Variants in CAMKMT observed in about 807,000 individuals in gnomAD.
CAMKMT encodes CaM KMT.
In CAMKMT, 53 loss-of-function variants were observed where a neutral mutation model predicts 48.0. The observed-to-expected ratio is 1.10, with a 90% CI of 0.89 to 1.39. CAMKMT has a LOEUF of 1.39. Ranked by LOEUF, CAMKMT falls within the 40% of genes most tolerant of loss-of-function variation. The pLI, the probability that CAMKMT is intolerant of heterozygous loss-of-function variation, is 0.00. For missense variants in CAMKMT, 428 were observed against 402.7 expected (o/e 1.06, Z -0.54); for synonymous variants, 165 against 152.3 (o/e 1.08, Z -0.61).
intron 3 of CAMKMT, among the ~76,000 whole-genome samples, chr2:44,655,661 G>C (rs12712921): frequency 0.55 from 83,589 of 151,988 alleles, 23,913 homozygotes; most frequent in Middle Eastern, 0.66. Context: ...AGCATTTAAA[G>C]CAAGGAGCAG....
At chr2:44,754,850 TAA>T (rs373413830) in intron 9 of CAMKMT, among the ~76,000 whole-genome samples, 1 of 143,518 alleles carries the variant, frequency 7.0e-6, no homozygotes, top group Non-Finnish European at 1.5e-5. Context: ...GCTCATGCAT[TAA>T]AAAAAAAAAA....
At chr2:44,602,146 C>T (rs2103860911) in intron 3 of CAMKMT, among the ~76,000 whole-genome samples, 1 of 152,126 alleles carries the variant, frequency 6.6e-6, no homozygotes, top group African/African-American at 2.4e-5. Flanking sequence ...GCTGGGACTA[C>T]AGGTGCACAC....
chr2:44,701,998 A>C (rs897569091), intron 3 of CAMKMT, among the ~76,000 whole-genome samples: 3 of 152,028 alleles, frequency 2.0e-5, no homozygotes, highest in African/African-American at 7.2e-5. Flanking sequence ...CTTTGTATGT[A>C]ATTTTGTTAA....
intron 3 of CAMKMT, among the ~76,000 whole-genome samples, chr2:44,559,048 C>CT (rs1391132180): frequency 9.2e-5 from 14 of 151,678 alleles, no homozygotes; most frequent in African/African-American, 2.4e-4. Flanking sequence ...ATCTATCTAT[C>CT]ATCTATCTAG....
chr2:44,595,994 G>A (rs1421090197), intron 3 of CAMKMT, among the ~76,000 whole-genome samples: 1 of 151,874 alleles, frequency 6.6e-6, no homozygotes, highest in East Asian at 1.9e-4. Context: ...TGGGAGGTGG[G>A]GGACTGGGGG....
At chr2:44,362,365 GCTC>G (rs1400406758) in intron 1 of CAMKMT, among the ~76,000 whole-genome samples, 1 of 152,310 alleles carries the variant, frequency 6.6e-6, no homozygotes, top group East Asian at 1.9e-4. Context: ...CCAAGGCTGA[GCTC>G]CTGGGAAACT....
intron 3 of CAMKMT, among the ~76,000 whole-genome samples, chr2:44,522,283 G>A (rs1052343572): frequency 6.6e-6 from 1 of 151,918 alleles, no homozygotes; most frequent in Non-Finnish European, 1.5e-5. Context: ...GGGATTACAG[G>A]CATGAGCCAC....
intron 3 of CAMKMT, among the ~76,000 whole-genome samples, chr2:44,647,226 A>G (rs1673784430): frequency 6.6e-6 from 1 of 152,158 alleles, no homozygotes; most frequent in Non-Finnish European, 1.5e-5. Flanking sequence ...TTGACATTCA[A>G]TTCAAATTTT....
chr2:44,714,111 A>AAAT (rs1678038646), intron 6 of CAMKMT, among the ~76,000 whole-genome samples: 1 of 152,198 alleles, frequency 6.6e-6, no homozygotes, highest in Non-Finnish European at 1.5e-5. Context: ...AAAGCCAGGA[A>AAAT]AATATGATGA....
chr2:44,399,794 A>G (rs1682196876), intron 3 of CAMKMT, among the ~76,000 whole-genome samples: 1 of 152,080 alleles, frequency 6.6e-6, no homozygotes, highest in Non-Finnish European at 1.5e-5. Context: ...GGTAGACTGG[A>G]AGAAGAAGAG....
chr2:44,556,771 CTT>C (rs1007108119), intron 3 of CAMKMT, among the ~76,000 whole-genome samples: 2 of 123,526 alleles, frequency 1.6e-5, no homozygotes, highest in Admixed American at 8.1e-5. Flanking sequence ...GCCCGGCCCT[CTT>C]TTTTTTTTTT....
intron 3 of CAMKMT, among the ~76,000 whole-genome samples, chr2:44,530,566 T>C (rs935348287): frequency 6.6e-6 from 1 of 152,152 alleles, no homozygotes; most frequent in African/African-American, 2.4e-5. Context: ...TTTGTCAATG[T>C]TCAGTCAATG....
At chr2:44,461,305 C>G (rs1279344746) in intron 3 of CAMKMT, among the ~76,000 whole-genome samples, 1 of 152,088 alleles carries the variant, frequency 6.6e-6, no homozygotes, top group Non-Finnish European at 1.5e-5. Flanking sequence ...TGTGCTGGCT[C>G]TCTTCTAAGC....
chr2:44,405,402 G>A (rs1199903068), intron 3 of CAMKMT, among the ~76,000 whole-genome samples: 3 of 151,922 alleles, frequency 2.0e-5, no homozygotes, highest in African/African-American at 7.2e-5. Context: ...TATTCTGGAG[G>A]GATGTCCAAG....
intron 3 of CAMKMT, among the ~76,000 whole-genome samples, chr2:44,700,516 T>C (rs966748669): frequency 1.3e-5 from 2 of 152,126 alleles, no homozygotes. Context: ...TTAGAGACCA[T>C]TTGTTAAGTT....
chr2:44,422,138 C>T (rs554252647), intron 3 of CAMKMT, among the ~76,000 whole-genome samples: 16 of 152,214 alleles, frequency 1.1e-4, no homozygotes, highest in African/African-American at 4.8e-5. Context: ...TGCTTGGTGC[C>T]GTCCTTGTAA....
intron 3 of CAMKMT, among the ~76,000 whole-genome samples, chr2:44,472,589 G>T (rs1237471121): frequency 1.3e-5 from 2 of 152,064 alleles, no homozygotes; most frequent in Non-Finnish European, 2.9e-5. Context: ...AAAATTTATG[G>T]ATGATACAAT....
At chr2:44,600,420 G>C (rs908249648) in intron 3 of CAMKMT, among the ~76,000 whole-genome samples, 4 of 151,762 alleles carry the variant, frequency 2.6e-5, no homozygotes, top group African/African-American at 9.7e-5. Context: ...GTGCACACCA[G>C]CACACCCAGC....
chr2:44,600,248 C>G (rs1670904862), intron 3 of CAMKMT, among the ~76,000 whole-genome samples: 1 of 151,810 alleles, frequency 6.6e-6, no homozygotes, highest in African/African-American at 2.4e-5. Context: ...CCACCACTAT[C>G]ATGAGACCAA....
Sources: gnomAD v4.1 joint callset for allele counts (sites outside exome capture counted in the v4.1 genomes callset) on GRCh38, gnomAD v4.1.1 for gene constraint, MANE v1.5 for transcripts, NCBI Gene and HGNC (gene_info 2026-07-23, HGNC 2026-07-21) for gene names.